The following SLC26A7 variants were observed in gnomAD, a reference collection of about 807,000 sequenced individuals.
The protein encoded by SLC26A7 is anion exchange transporter.
Under a neutral mutation model 82.5 loss-of-function variants are expected in SLC26A7, and 59 were observed. The ratio of observed to expected loss-of-function variants is 0.72; its 90% CI spans 0.58 to 0.89. The LOEUF (loss-of-function observed/expected upper bound fraction) is 0.89, where lower values mean the gene tolerates loss of function less well. Ranked by LOEUF, SLC26A7 falls within the 40% of genes least tolerant of loss-of-function variation. SLC26A7 has a pLI of 0.00. For missense variants in SLC26A7, 820 were observed against 793.0 expected (o/e 1.03, Z -0.41); for synonymous variants, 271 against 274.3 (o/e 0.99, Z 0.12).
chr8:91,365,510 T>A (rs957356038), intron 13 of SLC26A7, among the ~76,000 whole-genome samples: 1 of 152,222 alleles, frequency 6.6e-6, no homozygotes, highest in Admixed American at 6.5e-5. Flanking sequence ...AGTTCATTGT[T>A]ATTTTTTGTT....
rs1014614380 is a variant in SLC26A7 at position 91,222,154 on chromosome 8, C to A, written c.-34+3149C>A. On this transcript the variant is annotated intron_variant, in intron 2 of 5. Coordinates refer to the SLC26A7 transcript ENST00000522862. The stretch of plus-strand genomic sequence containing the variant: ...TAGCAATTGTGAATGGGAGTTCACT[C>A]ATGATTTGGTTCTCTGCTTGTCTAT... 4.5e-4 allele frequency among the ~76,000 whole-genome samples: 69 copies of A among 152,206 alleles called. 1 individual carries two copies. The highest frequency in any genetic ancestry group is 1.6e-3 in the African/African-American group (66 of 41,536).
chr8:91,324,348 G>T (rs1322313493), intron 5 of SLC26A7, among the ~76,000 whole-genome samples: 2 of 152,216 alleles, frequency 1.3e-5, no homozygotes, highest in Non-Finnish European at 2.9e-5. Flanking sequence ...CAGGAATTTA[G>T]ATCTGCTTGG....
At chr8:91,382,836 C>T (rs913877182) in intron 15 of SLC26A7, among the ~76,000 whole-genome samples, 14 of 152,218 alleles carry the variant, frequency 9.2e-5, no homozygotes, top group African/African-American at 3.4e-4. Context: ...TTCTCAATAA[C>T]TAAAATAGGT....
At chr8:91,227,849 C>T (rs925005139) in intron 2 of SLC26A7, among the ~76,000 whole-genome samples, 2 of 152,106 alleles carry the variant, frequency 1.3e-5, no homozygotes, top group African/African-American at 2.4e-5. Context: ...GTTGGTATTT[C>T]TTCATAAAAT....
intron 2 of SLC26A7, among the ~76,000 whole-genome samples, chr8:91,279,278 G>A (rs1811501838): frequency 6.6e-6 from 1 of 150,994 alleles, no homozygotes; most frequent in Admixed American, 6.6e-5. Context: ...GTATCTTTTC[G>A]ATATACTGAT....
chr8:91,357,366 A>T (rs901862483), intron 11 of SLC26A7: 10 of 152,246 alleles, frequency 6.6e-5, no homozygotes, highest in African/African-American at 1.9e-4. Context: ...AGTTTTGACC[A>T]TGTTCTGGCT....
intron 5 of SLC26A7, among the ~76,000 whole-genome samples, chr8:91,327,704 T>G (rs906953862): frequency 6.6e-6 from 1 of 152,206 alleles, no homozygotes; most frequent in African/African-American, 2.4e-5. Context: ...ATTAAAATAG[T>G]GTGCTGATAG....
chr8:91,384,679 T>C (rs899032932), intron 15 of SLC26A7, among the ~76,000 whole-genome samples: 1 of 152,090 alleles, frequency 6.6e-6, no homozygotes, highest in Non-Finnish European at 1.5e-5. Context: ...GTGATTACTG[T>C]CTTCCTTGTT....
At chr8:91,382,095 ATGT>A (rs1193373696) in intron 15 of SLC26A7, among the ~76,000 whole-genome samples, 5 of 152,280 alleles carry the variant, frequency 3.3e-5, no homozygotes, top group South Asian at 2.1e-4. Context: ...TCCTCTCAAC[ATGT>A]TGTTGTAAGA....
At chr8:91,361,523 C>T (rs529302197) in intron 11 of SLC26A7, among the ~76,000 whole-genome samples, 80 of 152,132 alleles carry the variant, frequency 5.3e-4, no homozygotes, top group African/African-American at 1.7e-3. Flanking sequence ...AGGTTAAAAA[C>T]GTTAGTTTAC....
At chr8:91,370,436 G>C (rs1161175520) in intron 15 of SLC26A7, among the ~76,000 whole-genome samples, 1 of 151,700 alleles carries the variant, frequency 6.6e-6, no homozygotes, top group Admixed American at 6.6e-5. Context: ...CATTAGTGTA[G>C]TTTTAATATG....
chr8:91,375,229 T>C (rs1264329404), intron 15 of SLC26A7, among the ~76,000 whole-genome samples: 2 of 151,984 alleles, frequency 1.3e-5, no homozygotes, highest in East Asian at 1.9e-4. Flanking sequence ...CATTTATGCC[T>C]TTTATATTCA....
intron 2 of SLC26A7, among the ~76,000 whole-genome samples, chr8:91,220,977 A>C (rs1447738904): frequency 6.6e-6 from 1 of 152,130 alleles, no homozygotes; most frequent in Non-Finnish European, 1.5e-5. Context: ...CAACAGTGGA[A>C]CGCTCACCAA....
At chr8:91,350,979 T>C (rs868507607) in intron 9 of SLC26A7, among the ~76,000 whole-genome samples, 1 of 152,108 alleles carries the variant, frequency 6.6e-6, no homozygotes, top group Non-Finnish European at 1.5e-5. Flanking sequence ...ATTGTTTGTT[T>C]ATATATTTAT....
At chr8:91,215,674 A>G (rs956693314) in intron 1 of SLC26A7, among the ~76,000 whole-genome samples, 1 of 152,084 alleles carries the variant, frequency 6.6e-6, no homozygotes, top group East Asian at 1.9e-4. Context: ...TCACAGACCA[A>G]CTCCTTTTCC....
At position 91,233,507 on chromosome 8, in the gene SLC26A7, T is replaced by C. The variant is rs191973695; in HGVS notation, c.-34+14502T>C. Among the ~76,000 whole-genome samples, 9 of 151,618 alleles carry C rather than the reference T, an allele frequency of 5.9e-5. No individual in the cohort carries two copies. In the East Asian group the frequency reaches 1.8e-3, roughly 30 times the overall value. On this transcript the variant is annotated intron_variant, in intron 2 of 5. Transcript: ENST00000522862. Reference sequence around the variant, plus strand: ...ACTTGAACCTGGGAGGCGGAGGTTGTAGTGAGTGGAGATTGTGCCACTGCA... The same window carrying C: ...ACTTGAACCTGGGAGGCGGAGGTTGCAGTGAGTGGAGATTGTGCCACTGCA...
chr8:91,233,499 G>A (rs187479453), intron 2 of SLC26A7, among the ~76,000 whole-genome samples: 202 of 152,008 alleles, frequency 1.3e-3, no homozygotes, highest in African/African-American at 4.3e-3. Context: ...CCTGGGAGGC[G>A]GAGGTTGTAG....
At chr8:91,338,071 T>A (rs778339032) in intron 6 of SLC26A7, 79 bp from the exon 7 acceptor site, 1 of 872,904 alleles carries the variant, frequency 1.1e-6, no homozygotes, top group Non-Finnish European at 1.7e-6. Flanking sequence ...GAACAATGTT[T>A]ACTTTTAAAA....
At chr8:91,338,113 G>A (rs988571119) in intron 6 of SLC26A7, 37 bp from the exon 7 acceptor site, 4 of 1,495,352 alleles carry the variant, frequency 2.7e-6, no homozygotes, top group Non-Finnish European at 3.7e-6. Flanking sequence ...GGTCAGTAAT[G>A]TATATATTTT....
Sources: allele counts gnomAD v4.1 joint callset (sites outside exome capture counted in the v4.1 genomes callset), GRCh38; gene constraint gnomAD v4.1.1; transcripts MANE v1.5; gene names NCBI Gene and HGNC (gene_info 2026-07-23, HGNC 2026-07-21).